The following MYT1L variants were observed in gnomAD, a reference collection of about 807,000 sequenced individuals.
MYT1L encodes myelin transcription factor 1 like.
MYT1L carries 12 observed loss-of-function variants against 126.7 expected under a neutral mutation model. That is an observed-to-expected ratio of 0.09 (90% CI 0.06 to 0.15). The LOEUF is 0.15. Ranked by LOEUF, MYT1L falls within the 10% of genes least tolerant of loss-of-function variation. The pLI, the probability that MYT1L is intolerant of heterozygous loss-of-function variation, is 1.00. For synonymous variants in MYT1L, 541 were observed against 604.2 expected (o/e 0.90, Z 1.53); for missense variants, 979 against 1,585.2 (o/e 0.62, Z 6.49).
chr2:1,962,370 TA>T (rs2059019431), intron 8 of MYT1L, among the ~76,000 whole-genome samples: 1 of 152,182 alleles, frequency 6.6e-6, no homozygotes, highest in Admixed American at 6.5e-5. Flanking sequence ...TACCTTAATT[TA>T]AAAATATTTT....
chr2:1,923,257 T>C lies in MYT1L; in HGVS notation c.512A>G (p.His171Arg). The stretch of plus-strand genomic sequence containing the variant: ...TCGAGTATTGTGACAATTCATTTGA[T>C]GGTCTTCTGCAAAGAAAATAAAAAA... ...EEEEEEENED[H>R]QMNCHNTRIM... Residue 171 changes from histidine (H) to arginine (R), a missense_variant, in exon 10 of 25, where the codon CAT (histidine) becomes CGT (arginine). His to Arg is a conservative substitution (Grantham distance 29). This residue lies in a region of MYT1L where 243 missense variants were observed against 363.9 expected (regional missense o/e 0.67). Coordinates refer to ENST00000647738, the MANE Select transcript of MYT1L (RefSeq NM_001303052.2). 6.3e-7 allele frequency: 1 copy of C among 1,582,734 alleles called. No individual in the cohort carries two copies. Among genetic ancestry groups the C allele is most frequent in the Non-Finnish European group, 8.6e-7 (1 of 1,161,784 alleles).
At chr2:1,942,907 G>T in intron 9 of MYT1L, 75 bp downstream of exon 9, 2 of 1,455,428 alleles carry the variant, frequency 1.4e-6, no homozygotes, top group South Asian at 1.5e-5. Context: ...GTCATTCGTA[G>T]TAACAGCCGG....
At chr2:1,884,363 C>T (rs147917636) in intron 18 of MYT1L, among the ~76,000 whole-genome samples, 60 of 152,238 alleles carry the variant, frequency 3.9e-4, no homozygotes, top group African/African-American at 1.2e-3. Flanking sequence ...AGGACTCATG[C>T]GGGAATTATT....
chr2:1,948,429 C>T (rs1257251224), intron 8 of MYT1L, among the ~76,000 whole-genome samples: 3 of 152,208 alleles, frequency 2.0e-5, no homozygotes, highest in African/African-American at 7.2e-5. Flanking sequence ...CATTCAACCA[C>T]CAGGCACATT....
At chr2:2,305,297 A>G (rs74876100) in intron 1 of MYT1L, among the ~76,000 whole-genome samples, 1,925 of 152,294 alleles carry the variant, frequency 0.013, 34 homozygotes, top group African/African-American at 0.035. Flanking sequence ...AGTGGAATAT[A>G]TTGGACCAAG....
intron 4 of MYT1L, among the ~76,000 whole-genome samples, chr2:2,047,288 C>T (rs976445712): frequency 1.3e-5 from 2 of 152,136 alleles, no homozygotes; most frequent in Non-Finnish European, 2.9e-5. Context: ...TATTAATTCC[C>T]ACCCATAGAT....
chr2:1,865,073 G>C (rs990145285), intron 18 of MYT1L, among the ~76,000 whole-genome samples: 1 of 152,206 alleles, frequency 6.6e-6, no homozygotes, highest in Non-Finnish European at 1.5e-5. Flanking sequence ...GGGGAGGCGG[G>C]GGAAGGGCGC....
intron 5 of MYT1L, among the ~76,000 whole-genome samples, chr2:1,993,299 G>A (rs1008402866): frequency 6.6e-6 from 1 of 152,188 alleles, no homozygotes; most frequent in African/African-American, 2.4e-5. Flanking sequence ...GGTCCGCCAG[G>A]TGGGGATTGG....
intron 3 of MYT1L, among the ~76,000 whole-genome samples, chr2:2,105,468 G>C (rs912826009): frequency 6.6e-6 from 1 of 152,156 alleles, no homozygotes; most frequent in Non-Finnish European, 1.5e-5. Context: ...ATAAAATTCT[G>C]TCTATACTGT....
intron 3 of MYT1L, among the ~76,000 whole-genome samples, chr2:2,155,726 C>T (rs1048565364): frequency 9.9e-5 from 15 of 152,266 alleles, no homozygotes; most frequent in Non-Finnish European, 1.6e-4. Context: ...CCCACTGTGT[C>T]GGGGGGATGC....
chr2:2,297,473 A>G (rs1338572194), intron 1 of MYT1L, among the ~76,000 whole-genome samples: 2 of 152,188 alleles, frequency 1.3e-5, no homozygotes, highest in Non-Finnish European at 2.9e-5. Flanking sequence ...CTCTACTACC[A>G]GTACACAAGA....
rs114872130 is a variant in MYT1L, at chr2:2,226,460, G to A, written c.-420-53472C>T. Among the ~76,000 whole-genome samples, 467 of 152,184 alleles carry A rather than the reference G, an allele frequency of 3.1e-3. 4 individuals carry two copies. The highest frequency in any genetic ancestry group is 0.011 in the African/African-American group (453 of 41,530). ...ATCCAGAGTCATGGCCGTGGACACC[G>A]CTCTCCTGGATCCCGTCCACCCTGG... is the stretch of plus-strand genomic sequence containing the variant. On this transcript the variant is annotated intron_variant, in intron 2 of 24. Coordinates refer to ENST00000647738, the MANE Select transcript of MYT1L (RefSeq NM_001303052.2).
In MYT1L at chr2:1,979,690, C is replaced by A; in HGVS notation, c.55+33G>T. On this transcript the variant is annotated intron_variant, in intron 6 of 24. Transcript: ENST00000647738. This position sits in a 1 kb window ranked among gnomAD's most constrained non-coding sequence, Gnocchi z 4.0. ...TCCGCAGGATGAAGGTGACCCTGAG[C>A]CGGCCTCAGGATGCAGGGAAGCGCG... is the stretch of plus-strand genomic sequence containing the variant. 1 of 1,613,066 alleles carries A rather than the reference C, an allele frequency of 6.2e-7. No homozygotes were observed. Among genetic ancestry groups the A allele is most frequent in the Non-Finnish European group, 8.5e-7 (1 of 1,179,106 alleles).
chr2:2,126,616 A>G (rs1179694144), intron 3 of MYT1L, among the ~76,000 whole-genome samples: 1 of 152,188 alleles, frequency 6.6e-6, no homozygotes, highest in African/African-American at 2.4e-5. Flanking sequence ...CAACTGAGAC[A>G]AGGAAGGAAA....
chr2:1,914,241 G>A (rs575123978), intron 11 of MYT1L, among the ~76,000 whole-genome samples: 27 of 151,766 alleles, frequency 1.8e-4, no homozygotes, highest in Admixed American at 7.2e-4. Context: ...GCGACAGAGC[G>A]AGACTCTGTC....
At chr2:2,091,855 C>T (rs749774761) in intron 3 of MYT1L, among the ~76,000 whole-genome samples, 6 of 152,182 alleles carry the variant, frequency 3.9e-5, no homozygotes, top group African/African-American at 7.2e-5. Flanking sequence ...CCAACCTCTG[C>T]CAGCTTCAAA....
intron 9 of MYT1L, among the ~76,000 whole-genome samples, chr2:1,940,692 T>C (rs959337825): frequency 1.3e-5 from 2 of 152,270 alleles, no homozygotes; most frequent in Non-Finnish European, 2.9e-5. Context: ...TAGGTGATAA[T>C]AGAAGTTATT....
chr2:2,139,467 AT>A lies in MYT1L; in HGVS notation c.-304+33404del, dbSNP rs528914792. Among the ~76,000 whole-genome samples the A allele has an allele frequency of 4.7e-3, 710 of 151,836 alleles. 4 individuals carry two copies. The highest frequency in any genetic ancestry group is 0.016 in the African/African-American group (667 of 41,384). On this transcript the variant is annotated intron_variant, in intron 3 of 24. Coordinates refer to ENST00000647738, the MANE Select transcript of MYT1L (RefSeq NM_001303052.2). ...AAACCCTGTTTCTACTAAAAAAAAA[AT>A]ATATGTATATATATACAAAAATTAG... is the stretch of plus-strand genomic sequence containing the variant.
chr2:1,923,119 T>C lies in MYT1L; in HGVS notation c.650A>G (p.Tyr217Cys), dbSNP rs2053780044. The change falls in exon 10 of 25, where the codon TAC (tyrosine) becomes TGC (cysteine). Residue 217 changes from tyrosine to cysteine, a missense_variant. Physicochemically the swap from Tyr to Cys is radical, Grantham distance 194. Transcript: ENST00000647738. ...CATTTCTGACTCAGTCCTGGCCCGG[T>C]AGGCTGCATCCTCAGCGATTTTGCC... ...NLGKIAEDAA[Y>C]RARTESEMNS... 7 of 1,614,044 alleles carry C rather than the reference T, an allele frequency of 4.3e-6. No homozygotes were observed. Among genetic ancestry groups the C allele is most frequent in the Non-Finnish European group, 5.1e-6 (6 of 1,179,906 alleles).
Sources: allele counts gnomAD v4.1 joint callset (sites outside exome capture counted in the v4.1 genomes callset), GRCh38; gene constraint gnomAD v4.1.1; regional missense constraint gnomAD v4.1.1; non-coding constraint Gnocchi (gnomAD v3.1); transcripts MANE v1.5; gene names NCBI Gene and HGNC (gene_info 2026-07-23, HGNC 2026-07-21).